C20orf173: variants seen among roughly 807,000 people sequenced by gnomAD.
C20orf173 encodes chromosome 20 open reading frame 173.
A neutral mutation model predicts 26.7 loss-of-function variants in C20orf173; 22 were observed. That is an observed-to-expected ratio of 0.82 (90% CI 0.59 to 1.18). The LOEUF is 1.18. Among genes scored for constraint, C20orf173 ranks in the 50% most tolerant of loss-of-function variants. The probability of loss-of-function intolerance (pLI) is 0.00; values close to 1 mark genes in which losing one functional copy is unlikely to be tolerated. For synonymous variants in C20orf173, 85 were observed against 96.4 expected (o/e 0.88, Z 0.69); for missense variants, 210 against 250.3 (o/e 0.84, Z 1.09).
At chr20:35,525,317 C>T (rs534171185), downstream of C20orf173, among the ~76,000 whole-genome samples, 35 of 151,986 alleles carry the variant, frequency 2.3e-4, 2 homozygotes, top group South Asian at 7.1e-3. Flanking sequence ...TTTGGGAGGC[C>T]AAGGCAGGCA....
At chr20:35,528,159 G>A in intron 5 of C20orf173, 74 bp downstream of exon 5, 3 of 1,295,336 alleles carry the variant, frequency 2.3e-6, no homozygotes, top group South Asian at 2.5e-5. Flanking sequence ...GGAGGAAGGG[G>A]GAGGGAACTG....
chr20:35,529,379 G>C lies in C20orf173; in HGVS notation c.-6C>G. 1 of 1,529,686 alleles carries C rather than the reference G, an allele frequency of 6.5e-7. No homozygotes were observed. The highest frequency in any genetic ancestry group is 1.2e-5 in the South Asian group (1 of 81,656). 94.8% of individuals were successfully genotyped at this position (1,529,686 alleles called of 1,614,324 possible). ...AAAATCTGCCAGCGCTTCATGTCTG[G>C]CCCAGGCGGTGGCTCCCGTGGTGGG... is the stretch of plus-strand genomic sequence containing the variant. On this transcript the variant is annotated 5_prime_UTR_variant, in exon 2 of 6. Transcript: ENST00000444723.
downstream of C20orf173, among the ~76,000 whole-genome samples, chr20:35,526,650 A>G (rs1391041689): frequency 1.4e-5 from 2 of 144,018 alleles, no homozygotes; most frequent in Middle Eastern, 3.6e-3. Context: ...AAAAAAAAAA[A>G]GCGAATTGGA....
downstream of C20orf173, chr20:35,522,901 G>A (rs916584516): frequency 6.5e-6 from 1 of 152,692 alleles, no homozygotes; most frequent in South Asian, 2.1e-4. Flanking sequence ...CTTGACCCAG[G>A]TTCCACCTAC....
chr20:35,529,226 T>G lies in C20orf173; in HGVS notation c.148A>C (p.Ser50Arg). Residue 50 changes from serine (S) to arginine (R), a missense_variant, in exon 2 of 6, where the codon AGT (serine) becomes CGT (arginine). Physicochemically the swap from Ser to Arg is moderately radical, Grantham distance 110. Transcript: ENST00000444723. ...VPQHCDCPWF[S>R]SGKCGCPSET... ...GAAGGGCAGCCACACTTCCCGGAAC[T>G]GAACCAAGGGCAGTCGCAATGCTGT... 1.3e-6 allele frequency: 2 copies of G among 1,551,690 alleles called. No homozygotes were observed. Among genetic ancestry groups the G allele is most frequent in the Non-Finnish European group, 1.7e-6 (2 of 1,147,000 alleles).
In C20orf173 at chr20:35,529,349, G is replaced by T. The variant is rs1028737671; in HGVS notation, c.25C>A (p.Leu9Met). Residue 9 changes from leucine to methionine, a missense_variant, in exon 2 of 6, where the codon CTG (leucine) becomes ATG (methionine). Coordinates refer to ENST00000444723, the MANE Select transcript of C20orf173 (RefSeq NM_001145350.2). MKRWQIFVLWVFWVLILWL... is the reference protein window; with the variant it reads MKRWQIFVMWVFWVLILWL... Reference sequence around the variant, plus strand: ...AGGATGAGCACCCAAAAGACCCACAGGACAAAAATCTGCCAGCGCTTCATG... The same window carrying T: ...AGGATGAGCACCCAAAAGACCCACATGACAAAAATCTGCCAGCGCTTCATG... 6.5e-7 allele frequency: 1 copy of T among 1,545,680 alleles called. No homozygotes were observed. The highest frequency in any genetic ancestry group is 2.0e-5 in the Admixed American group (1 of 50,874).
downstream of C20orf173, among the ~76,000 whole-genome samples, chr20:35,526,338 G>A (rs1027177560): frequency 7.9e-5 from 12 of 152,208 alleles, no homozygotes; most frequent in East Asian, 5.8e-4. Context: ...GAAGTGACAC[G>A]GTAAGTGCTA....
chr20:35,528,462 G>C lies in C20orf173; in HGVS notation c.571C>G (p.Leu191Val). 6.4e-7 allele frequency: 1 copy of C among 1,551,644 alleles called. No individual in the cohort carries two copies. Among genetic ancestry groups the C allele is most frequent in the Non-Finnish European group, 8.7e-7 (1 of 1,146,962 alleles). ...LSDLVWTSDALSDKILEDGLV... is the reference protein window; with the variant it reads ...LSDLVWTSDAVSDKILEDGLV... ...GACACCTCCATCACCTTATCACTTAGAGCATCTGAAGTCCACACCAGGTCA... is the reference window on the plus strand; with the variant it reads ...GACACCTCCATCACCTTATCACTTACAGCATCTGAAGTCCACACCAGGTCA... Residue 191 changes from leucine to valine, a missense_variant, in exon 4 of 6, where the codon CTA (leucine) becomes GTA (valine). Leu to Val is a conservative substitution (Grantham distance 32). Transcript: ENST00000444723.
chr20:35,524,051 T>G (rs779213626), downstream of C20orf173, among the ~76,000 whole-genome samples: 6 of 152,326 alleles, frequency 3.9e-5, no homozygotes, highest in East Asian at 1.2e-3. Flanking sequence ...TTGTTTGTTT[T>G]TTTGAGATGG....
chr20:35,528,385 C>A, intron 4 of C20orf173, 66 bp downstream of exon 4: 2 of 1,545,378 alleles, frequency 1.3e-6, no homozygotes, highest in Non-Finnish European at 1.8e-6. Context: ...AGAGCCCCTG[C>A]TGTTACTCCC....
In C20orf173 at chr20:35,528,832, A is replaced by G. The variant is rs1568862179; in HGVS notation, c.357T>C (p.Phe119=). 1 of 1,551,348 alleles carries G rather than the reference A, an allele frequency of 6.4e-7. No homozygotes were observed. The highest frequency in any genetic ancestry group is 8.7e-7 in the Non-Finnish European group (1 of 1,146,942). The change falls in exon 3 of 6, where the codon TTT becomes TTC. Residue 119 remains phenylalanine, a synonymous_variant. Coordinates refer to ENST00000444723, the MANE Select transcript of C20orf173 (RefSeq NM_001145350.2). ...TCACCGAGAGCCTGGGAATCCCTTT[A>G]AACAGCTTCCTCCACAATTTCCCAA... ...SELGKLWRKL[F]KGIPRLSVSH...
chr20:35,524,585 A>T (rs1388058299), downstream of C20orf173, among the ~76,000 whole-genome samples: 1 of 152,216 alleles, frequency 6.6e-6, no homozygotes, highest in Non-Finnish European at 1.5e-5. Flanking sequence ...AATACAGGCT[A>T]ATTTAATTCT....
At chr20:35,525,704 A>T (rs1229642316), downstream of C20orf173, among the ~76,000 whole-genome samples, 1 of 152,204 alleles carries the variant, frequency 6.6e-6, no homozygotes, top group Non-Finnish European at 1.5e-5. Flanking sequence ...CTTTGCCCTG[A>T]TGCGATCCAG....
In C20orf173 at chr20:35,528,244, T is replaced by G; in HGVS notation, c.*14A>C. ...CTATTCCCCCTCACCGTGTCTTTGC[T>G]ATCTTCCACTCCACTAGGGAACCAG... On this transcript the variant is annotated 3_prime_UTR_variant, in exon 5 of 6. Transcript: ENST00000444723. The G allele has an allele frequency of 6.4e-7, 1 of 1,552,048 alleles. No homozygotes were observed.
At chr20:35,524,545 G>A (rs1400408845), downstream of C20orf173, among the ~76,000 whole-genome samples, 1 of 152,072 alleles carries the variant, frequency 6.6e-6, no homozygotes, top group East Asian at 1.9e-4. Context: ...CGCATTTCAA[G>A]TGCTCATCCA....
chr20:35,529,558 C>T lies in C20orf173; in HGVS notation c.-52+1G>A. The stretch of plus-strand genomic sequence containing the variant: ...TCCTGCCTCACTATCCATTTGCTCA[C>T]CCTCAAAACGGTCTCTGACTGGGCA... On this transcript the variant is annotated splice_donor_variant, in intron 1 of 5. Coordinates refer to ENST00000444723, the MANE Select transcript of C20orf173 (RefSeq NM_001145350.2). LOFTEE classifies it low-confidence loss of function (5UTR_SPLICE). The T allele has an allele frequency of 3.2e-6, 2 of 617,234 alleles. No homozygotes were observed. The highest frequency in any genetic ancestry group is 1.8e-5 in the African/African-American group (1 of 54,322). The allele number at this position is 617,234 out of a possible 1,614,324, so 38.2% of individuals were successfully genotyped here. A position where few individuals can be genotyped will look rare whatever the true frequency, so the allele number is the denominator to read the frequency against.
At chr20:35,527,763 C>T (rs920653147) in intron 5 of C20orf173, among the ~76,000 whole-genome samples, 1 of 152,140 alleles carries the variant, frequency 6.6e-6, no homozygotes, top group Non-Finnish European at 1.5e-5. Flanking sequence ...GGACTACAGG[C>T]ATGCCTGGCT....
rs1171862269 is a variant in C20orf173, at chr20:35,529,365, G to A, written c.9C>T (p.Arg3=). ...AGACCCACAGGACAAAAATCTGCCA[G>A]CGCTTCATGTCTGGCCCAGGCGGTG... MK[R]WQIFVLWVFW... The change falls in exon 2 of 6, where the codon CGC becomes CGT. Residue 3 remains arginine, a synonymous_variant. Coordinates refer to ENST00000444723, the MANE Select transcript of C20orf173 (RefSeq NM_001145350.2). 1 of 1,540,648 alleles carries A rather than the reference G, an allele frequency of 6.5e-7. No individual in the cohort carries two copies. Among genetic ancestry groups the A allele is most frequent in the African/African-American group, 1.4e-5 (1 of 72,916 alleles).
chr20:35,529,194 G>T lies in C20orf173; in HGVS notation c.180C>A (p.Thr60=). ...SSGKCGCPSE[T]LNCSSCHHTA... ...TGTGGTGGCAGGAGGAGCAGTTGAG[G>T]GTCTCAGAAGGGCAGCCACACTTCC... Residue 60 remains threonine (T), a synonymous_variant, in exon 2 of 6, where the codon ACC becomes ACA. Transcript: ENST00000444723. 2 of 1,551,668 alleles carry T rather than the reference G, an allele frequency of 1.3e-6. No homozygotes were observed. The highest frequency in any genetic ancestry group is 1.7e-6 in the Non-Finnish European group (2 of 1,146,988).
Sources: allele counts gnomAD v4.1 joint callset (sites outside exome capture counted in the v4.1 genomes callset), GRCh38; gene constraint gnomAD v4.1.1; transcripts MANE v1.5; gene names NCBI Gene and HGNC (gene_info 2026-07-23, HGNC 2026-07-21).